Variants in AKAP3 observed in about 807,000 individuals in gnomAD.
AKAP3 encodes the protein A-kinase anchoring protein 3.
In AKAP3, 27 loss-of-function variants were observed where a neutral mutation model predicts 57.2. The observed-to-expected ratio is 0.47, with a 90% CI of 0.35 to 0.65. The LOEUF is 0.65. Among genes scored for constraint, AKAP3 ranks in the 30% least tolerant of loss-of-function variants. The pLI is 0.01. For missense variants in AKAP3, 959 were observed against 1,040.0 expected, an observed-to-expected ratio of 0.92 and a Z score of 1.07; for synonymous variants, 334 against 392.3, an observed-to-expected ratio of 0.85 and a Z score of 1.76.
Position 4,635,658 on chromosome 12 carries a change from C to T in AKAP3, c.96+2443G>A, listed in dbSNP as rs1945555867. 3.8e-6 allele frequency: 3 copies of T among 781,792 alleles called. No individual in the cohort carries two copies. The Admixed American group carries it at 6.0e-5, about 16-fold the overall frequency. 48.4% of individuals were successfully genotyped at this position (781,792 alleles called of 1,614,324 possible). ...TGAAGTTCTTTAACCCAATTTTTTG[C>T]TCTTGCAAAGGACTCCTCATTTGTG... On this transcript the variant is annotated intron_variant, in intron 4 of 5. Transcript: ENST00000228850.
At position 4,638,163 on chromosome 12, in the gene AKAP3, T is replaced by G. The variant is rs1226843941; in HGVS notation, c.34A>C (p.Asn12His). 1.2e-6 allele frequency: 2 copies of G among 1,613,040 alleles called. No homozygotes were observed. Among genetic ancestry groups the G allele is most frequent in the Middle Eastern group, 1.6e-4 (1 of 6,080 alleles). Reference protein sequence around the residue: ...SEKVDWLQSQNGVCKVDVYSP... With the variant: ...SEKVDWLQSQHGVCKVDVYSP... The stretch of plus-strand genomic sequence containing the variant: ...TAGACATCAACTTTGCATACTCCAT[T>G]TTGGCTTTGTAACCAGTCAACCTTT... The change falls in exon 4 of 6, where the codon AAT (asparagine) becomes CAT (histidine). Residue 12 changes from asparagine (N) to histidine (H), a missense_variant. By Grantham distance (68) the Asn-to-His change is moderately conservative. Coordinates refer to ENST00000228850, the MANE Select transcript of AKAP3 (RefSeq NM_001278309.2).
chr12:4,636,311 G>A (rs1325325966), intron 4 of AKAP3, among the ~76,000 whole-genome samples: 1 of 152,238 alleles, frequency 6.6e-6, no homozygotes, highest in Non-Finnish European at 1.5e-5. Context: ...CCCGTAGGAC[G>A]AGAGTGTGTC....
intron 4 of AKAP3, among the ~76,000 whole-genome samples, chr12:4,630,901 C>A (rs1945490003): frequency 6.6e-6 from 1 of 152,130 alleles, no homozygotes; most frequent in African/African-American, 2.4e-5. Flanking sequence ...TAAATAAAAT[C>A]TTTAACAGAT....
In AKAP3 at chr12:4,637,042, A is replaced by C. The variant is rs532296567; in HGVS notation, c.96+1059T>G. The stretch of plus-strand genomic sequence containing the variant: ...ATTACAGGTGTGAGCCACTGTGCCC[A>C]GTCTGATAAATGATGTAATAGGATA... On this transcript the variant is annotated intron_variant, in intron 4 of 5. Coordinates refer to ENST00000228850, the MANE Select transcript of AKAP3 (RefSeq NM_001278309.2). 2.5e-4 allele frequency among the ~76,000 whole-genome samples: 38 copies of C among 152,330 alleles called. 2 individuals carry two copies. Among genetic ancestry groups the C allele is most frequent in the Admixed American group, 2.0e-3 (31 of 15,300 alleles).
At chr12:4,635,372 T>C in intron 4 of AKAP3, 1 of 626,590 alleles carries the variant, frequency 1.6e-6, no homozygotes. Flanking sequence ...TCCTGTTTGG[T>C]TGTGTGGGTT....
intron 5 of AKAP3, among the ~76,000 whole-genome samples, chr12:4,620,165 G>A (rs1945328948): frequency 6.6e-6 from 1 of 152,130 alleles, no homozygotes; most frequent in African/African-American, 2.4e-5. Context: ...CAATGGCACA[G>A]AATAGAAAGT....
At position 4,648,886 on chromosome 12, in the gene AKAP3, T is replaced by A. The variant is rs1945733242; in HGVS notation, c.-386A>T. 1.9e-6 allele frequency: 1 copy of A among 518,644 alleles called. No homozygotes were observed. The highest frequency in any genetic ancestry group is 3.6e-5 in the Admixed American group (1 of 28,154). The allele number at this position is 518,644 out of a possible 1,614,324, so 32.1% of individuals were successfully genotyped here. ...CTCTGAACTTCAGGTTCCTCGGCAA[T>A]TAGAGATTATAAATAGCCTATACAG... is the stretch of plus-strand genomic sequence containing the variant. On this transcript the variant is annotated 5_prime_UTR_variant, in exon 1 of 6. Coordinates refer to ENST00000228850, the MANE Select transcript of AKAP3 (RefSeq NM_001278309.2).
At chr12:4,619,891 T>C (rs1945326052) in intron 5 of AKAP3, among the ~76,000 whole-genome samples, 1 of 152,184 alleles carries the variant, frequency 6.6e-6, no homozygotes, top group African/African-American at 2.4e-5. Flanking sequence ...AACCTTACAC[T>C]AAGTGTAAAG....
intron 1 of AKAP3, among the ~76,000 whole-genome samples, chr12:4,646,813 T>C (rs1283530010): frequency 1.3e-5 from 2 of 152,104 alleles, no homozygotes; most frequent in Non-Finnish European, 2.9e-5. Flanking sequence ...AGACAGAGTC[T>C]CAACTCTCGC....
intron 5 of AKAP3, among the ~76,000 whole-genome samples, chr12:4,624,197 T>C (rs1945380150): frequency 6.6e-6 from 1 of 152,054 alleles, no homozygotes; most frequent in Admixed American, 6.6e-5. Context: ...ATAAAACATA[T>C]ATGATATATG....
chr12:4,638,781 T>C lies in AKAP3; in HGVS notation c.1-585A>G, dbSNP rs1945597788. On this transcript the variant is annotated intron_variant, in intron 3 of 5. Transcript: ENST00000228850. ...TCTATGGTTCAGCTAAATTTCTGAGTATCAGTCAGGACAAAAGAGATGTCA... is the reference window on the plus strand; with the variant it reads ...TCTATGGTTCAGCTAAATTTCTGAGCATCAGTCAGGACAAAAGAGATGTCA... Among the ~76,000 whole-genome samples, 4 of 152,194 alleles carry C rather than the reference T, an allele frequency of 2.6e-5. No individual in the cohort carries two copies. In the South Asian group the frequency reaches 8.3e-4, roughly 32 times the overall value.
chr12:4,633,986 T>G (rs945856451), intron 4 of AKAP3, among the ~76,000 whole-genome samples: 5 of 140,994 alleles, frequency 3.5e-5, no homozygotes, highest in African/African-American at 1.4e-4. Flanking sequence ...TTTTTTTTTT[T>G]GCTTTTTATA....
chr12:4,631,168 T>G (rs1049986423), intron 4 of AKAP3, among the ~76,000 whole-genome samples: 27 of 152,346 alleles, frequency 1.8e-4, no homozygotes, highest in African/African-American at 6.5e-4. Context: ...GGTTTGTTTA[T>G]GGCCAATTGG....
At position 4,625,904 on chromosome 12, in the gene AKAP3, C is replaced by T. The variant is rs939836474; in HGVS notation, c.2406+592G>A. Reference sequence around the variant, plus strand: ...GTGGAGGACAAGAACTTATCAGGCACGTTTACCTTTATCAGTAATAACAGT... The same window carrying T: ...GTGGAGGACAAGAACTTATCAGGCATGTTTACCTTTATCAGTAATAACAGT... On this transcript the variant is annotated intron_variant, in intron 5 of 5. Transcript: ENST00000228850. This position sits in a 1 kb window ranked among gnomAD's most constrained non-coding sequence, Gnocchi z 5.4. 2.0e-5 allele frequency among the ~76,000 whole-genome samples: 3 copies of T among 152,058 alleles called. No homozygotes were observed. Among genetic ancestry groups the T allele is most frequent in the Admixed American group, 6.6e-5 (1 of 15,266 alleles).
chr12:4,628,148 C>A lies in AKAP3; in HGVS notation c.754G>T (p.Asp252Tyr). ...YKEVFESRNG[D>Y]YAREGGRFFP... ...AACCTTCCACCCTCTCTGGCATAATCTCCATTACGAGATTCAAACACTTCC... is the reference window on the plus strand; with the variant it reads ...AACCTTCCACCCTCTCTGGCATAATATCCATTACGAGATTCAAACACTTCC... Residue 252 changes from aspartate (D) to tyrosine (Y), a missense_variant, in exon 5 of 6, where the codon GAT becomes TAT. Coordinates refer to ENST00000228850, the MANE Select transcript of AKAP3 (RefSeq NM_001278309.2). The A allele has an allele frequency of 6.2e-7, 1 of 1,614,166 alleles. No individual in the cohort carries two copies. The highest frequency in any genetic ancestry group is 8.5e-7 in the Non-Finnish European group (1 of 1,180,028).
rs1302884247 is a variant in AKAP3, at chr12:4,627,992, G to T, written c.910C>A (p.Leu304Met). Residue 304 changes from leucine to methionine, a missense_variant, in exon 5 of 6, where the codon CTG becomes ATG. By Grantham distance (15) the Leu-to-Met change is conservative. Coordinates refer to ENST00000228850, the MANE Select transcript of AKAP3 (RefSeq NM_001278309.2). ...SDMMVSIMKTLKIQVKDTTIA... is the reference protein window; with the variant it reads ...SDMMVSIMKTMKIQVKDTTIA... ...GTTGTGTCTTTCACTTGGATCTTCAGTGTCTTCATGATGGAGACCATCATA... is the reference window on the plus strand; with the variant it reads ...GTTGTGTCTTTCACTTGGATCTTCATTGTCTTCATGATGGAGACCATCATA... The T allele has an allele frequency of 6.2e-7, 1 of 1,614,006 alleles. No homozygotes were observed. Among genetic ancestry groups the T allele is most frequent in the South Asian group, 1.1e-5 (1 of 91,062 alleles).
intron 1 of AKAP3, chr12:4,645,727 A>G (rs1414504455): frequency 1.3e-5 from 2 of 152,022 alleles, no homozygotes; most frequent in Non-Finnish European, 2.9e-5. Context: ...CTCACCATTT[A>G]CCTGCTGTGT....
In AKAP3 at chr12:4,628,610, G is replaced by C. The variant is rs1038792737; in HGVS notation, c.292C>G (p.His98Asp). Residue 98 changes from histidine (H) to aspartate (D), a missense_variant, in exon 5 of 6, where the codon CAT (histidine) becomes GAT (aspartate). Transcript: ENST00000228850. The part of the protein sequence containing the change: ...TTTKGTPERL[H>D]FEMTHKEIPC... The stretch of plus-strand genomic sequence containing the variant: ...ATCTCTTTGTGAGTCATCTCAAAAT[G>C]CAATCTTTCTGGAGTGCCCTTGGTG... 1.9e-6 allele frequency: 3 copies of C among 1,614,070 alleles called. No homozygotes were observed. The highest frequency in any genetic ancestry group is 2.5e-6 in the Non-Finnish European group (3 of 1,180,010).
In AKAP3 at chr12:4,615,741, A is replaced by C; in HGVS notation, c.2560T>G (p.Ter854GluextTer?). ...GGGGAAAGCAGTGGGGTTGCCGATT[A>C]CAGGTTCACCATCAGCCAGTCCAGC... ...QLLDWLMVNL[*>E] Residue 854 changes from the stop codon to glutamate (E), a stop_lost, in exon 6 of 6, where the codon TAA becomes GAA. Transcript: ENST00000228850. The C allele has an allele frequency of 6.2e-7, 1 of 1,613,330 alleles. No homozygotes were observed.
Sources: gnomAD v4.1 joint callset for allele counts (sites outside exome capture counted in the v4.1 genomes callset) on GRCh38, gnomAD v4.1.1 for gene constraint, Gnocchi (gnomAD v3.1) non-coding constraint, MANE v1.5 for transcripts, NCBI Gene and HGNC (gene_info 2026-07-23, HGNC 2026-07-21) for gene names.